PDZD2: variants seen among roughly 807,000 people sequenced by gnomAD.
PDZD2 encodes the protein PDZ domain containing 2.
A neutral mutation model predicts 220.7 loss-of-function variants in PDZD2; 90 were observed. The ratio of observed to expected loss-of-function variants is 0.41; its 90% CI spans 0.34 to 0.49. PDZD2 has a LOEUF of 0.49. Among genes scored for constraint, PDZD2 ranks in the 20% least tolerant of loss-of-function variants. PDZD2 has a pLI of 0.28. For missense variants in PDZD2, 3,174 were observed against 3,608.5 expected, an observed-to-expected ratio of 0.88 and a Z score of 3.08; for synonymous variants, 1,375 against 1,450.5, an observed-to-expected ratio of 0.95 and a Z score of 1.18.
At chr5:32,079,889 C>A (rs1055527636) in intron 19 of PDZD2, among the ~76,000 whole-genome samples, 3 of 152,026 alleles carry the variant, frequency 2.0e-5, no homozygotes, top group Non-Finnish European at 4.4e-5. Context: ...AAATACAGGC[C>A]CCTGATGTCT....
At chr5:32,033,668 G>A (rs2112205277) in intron 6 of PDZD2, among the ~76,000 whole-genome samples, 1 of 151,352 alleles carries the variant, frequency 6.6e-6, no homozygotes, top group Non-Finnish European at 1.5e-5. Context: ...TGCCCAGGCT[G>A]GAATGCAGTG....
intron 24 of PDZD2, among the ~76,000 whole-genome samples, chr5:32,104,965 C>T (rs283119): frequency 0.014 from 2,137 of 151,786 alleles, 63 homozygotes; most frequent in African/African-American, 0.049. Context: ...CGAGACTCCA[C>T]CTCTACAAAA....
At chr5:31,916,480 T>A (rs1176404224) in intron 2 of PDZD2, among the ~76,000 whole-genome samples, 1 of 152,262 alleles carries the variant, frequency 6.6e-6, no homozygotes, top group South Asian at 2.1e-4. Context: ...TGTTGCCTCA[T>A]ACCCGGAGCG....
intron 2 of PDZD2, among the ~76,000 whole-genome samples, chr5:31,958,237 T>C (rs1034392389): frequency 7.0e-6 from 1 of 142,610 alleles, no homozygotes; most frequent in African/African-American, 2.6e-5. Context: ...GGAAATTATC[T>C]TGATATTTTT....
intron 2 of PDZD2, among the ~76,000 whole-genome samples, chr5:31,898,722 G>A (rs1323470210): frequency 6.6e-6 from 1 of 150,776 alleles, no homozygotes; most frequent in African/African-American, 2.4e-5. Context: ...CTGGGGGGCA[G>A]TTTCCTTCAA....
intron 1 of PDZD2, among the ~76,000 whole-genome samples, chr5:31,782,045 A>C (rs1753089165): frequency 6.6e-6 from 1 of 152,122 alleles, no homozygotes; most frequent in Admixed American, 6.6e-5. Context: ...GCCGTGGCCC[A>C]TGGGTGCTAT....
intron 14 of PDZD2, 61 bp from the exon 15 acceptor site, chr5:32,069,508 C>A: frequency 1.0e-6 from 1 of 977,214 alleles, no homozygotes; most frequent in Non-Finnish European, 1.7e-6. Context: ...GTCCTAGGTA[C>A]TTTCATTGGG....
At chr5:31,830,893 A>T (rs145200213) in intron 2 of PDZD2, among the ~76,000 whole-genome samples, 2,711 of 152,332 alleles carry the variant, frequency 0.018, 30 homozygotes, top group Non-Finnish European at 0.028. Context: ...AGGCTAATTC[A>T]GAGGCATTGT....
chr5:31,722,993 C>A (rs1748896207), intron 1 of PDZD2, among the ~76,000 whole-genome samples: 1 of 152,176 alleles, frequency 6.6e-6, no homozygotes. Context: ...TGGCCCACTG[C>A]CACAGTTTTA....
intron 1 of PDZD2, among the ~76,000 whole-genome samples, chr5:31,723,143 A>T (rs1202959134): frequency 6.6e-6 from 1 of 152,262 alleles, no homozygotes; most frequent in Non-Finnish European, 1.5e-5. Flanking sequence ...ATATACAAAG[A>T]TTCTAGAGTC....
chr5:32,017,836 A>G (rs907833841), intron 6 of PDZD2, among the ~76,000 whole-genome samples: 8 of 152,224 alleles, frequency 5.3e-5, no homozygotes, highest in Non-Finnish European at 1.2e-4. Context: ...AAGACCAAAA[A>G]GGCACCAGGG....
intron 1 of PDZD2, among the ~76,000 whole-genome samples, chr5:31,776,277 G>A (rs1423284782): frequency 6.6e-6 from 1 of 151,820 alleles, no homozygotes; most frequent in Non-Finnish European, 1.5e-5. Flanking sequence ...AATTGTCCAA[G>A]ATGCCAGCCC....
chr5:31,975,957 C>G (rs1205735728), intron 2 of PDZD2, among the ~76,000 whole-genome samples: 2 of 151,836 alleles, frequency 1.3e-5, no homozygotes, highest in Admixed American at 6.6e-5. Flanking sequence ...GTGTGCACCA[C>G]CACACCTGTT....
chr5:32,043,025 C>G (rs535480573), intron 7 of PDZD2, among the ~76,000 whole-genome samples: 7 of 152,314 alleles, frequency 4.6e-5, no homozygotes, highest in Non-Finnish European at 2.9e-5. Context: ...AGATCTGCCT[C>G]CCAGACAGAA....
intron 2 of PDZD2, among the ~76,000 whole-genome samples, chr5:31,916,155 T>G (rs964664768): frequency 2.0e-5 from 3 of 152,260 alleles, no homozygotes; most frequent in African/African-American, 7.2e-5. Flanking sequence ...ATTTTCTAGC[T>G]GCAGAACACT....
intron 5 of PDZD2, among the ~76,000 whole-genome samples, chr5:32,003,651 AAACCT>A (rs1433609154): frequency 3.9e-5 from 6 of 152,152 alleles, no homozygotes; most frequent in African/African-American, 1.4e-4. Flanking sequence ...ATGTACTGCT[AAACCT>A]GCATTTCTTG....
chr5:31,847,433 G>A (rs528815463), intron 2 of PDZD2: 4 of 540,036 alleles, frequency 7.4e-6, no homozygotes, highest in Middle Eastern at 6.0e-4. Flanking sequence ...GAGAGTTCGC[G>A]TAACAGAGAT....
At chr5:31,902,521 C>T (rs1201340517) in intron 2 of PDZD2, among the ~76,000 whole-genome samples, 60 of 147,834 alleles carry the variant, frequency 4.1e-4, no homozygotes, top group African/African-American at 1.4e-3. Flanking sequence ...CTCATTCTGT[C>T]GCCCAGGCTG....
intron 2 of PDZD2, among the ~76,000 whole-genome samples, chr5:31,904,952 T>TTG (rs34098919): frequency 0.16 from 23,755 of 151,350 alleles, 1,885 homozygotes; most frequent in Admixed American, 0.17. Flanking sequence ...GGGAGTGAAT[T>TTG]TGTGTGTGTG....
Sources: gnomAD v4.1 joint callset for allele counts (sites outside exome capture counted in the v4.1 genomes callset) on GRCh38, gnomAD v4.1.1 for gene constraint, MANE v1.5 for transcripts, NCBI Gene and HGNC (gene_info 2026-07-23, HGNC 2026-07-21) for gene names.